The following RFX3 variants were observed in gnomAD, a reference collection of about 807,000 sequenced individuals.
RFX3 encodes the protein transcription factor RFX3.
RFX3 carries 14 observed loss-of-function variants against 98.6 expected under a neutral mutation model. The observed-to-expected ratio is 0.14, with a 90% CI of 0.09 to 0.22. The LOEUF (loss-of-function observed/expected upper bound fraction) is 0.22, where lower values mean the gene tolerates loss of function less well. Among genes scored for constraint, RFX3 ranks in the 10% least tolerant of loss-of-function variants. RFX3 has a pLI of 1.00. For synonymous variants in RFX3, 383 were observed against 328.4 expected (o/e 1.17, Z -1.80); for missense variants, 639 against 926.9 (o/e 0.69, Z 4.03).
At chr9:3,399,944 G>A (rs146976857) in intron 1 of RFX3, among the ~76,000 whole-genome samples, 1,964 of 144,434 alleles carry the variant, frequency 0.014, 28 homozygotes, top group African/African-American at 0.03. Context: ...GCAAGACTCC[G>A]TCTCAAAAAA....
At position 3,247,433 on chromosome 9, in the gene RFX3, T is replaced by C. The variant is rs950344139; in HGVS notation, c.1968+599A>G. ...TAGCTGAGTAATCATTTAACCTTTC[T>C]GTGCCTTAGCTTTCTGCATAAACCT... On this transcript the variant is annotated intron_variant, in intron 15 of 16. Coordinates refer to ENST00000617270, the MANE Select transcript of RFX3 (RefSeq NM_001282116.2). 4 of 745,286 alleles carry C rather than the reference T, an allele frequency of 5.4e-6. No homozygotes were observed. The African/African-American group carries it at 7.6e-5, about 14-fold the overall frequency. 46.2% of individuals were successfully genotyped at this position (745,286 alleles called of 1,614,324 possible).
intron 1 of RFX3, among the ~76,000 whole-genome samples, chr9:3,503,486 A>G (rs939550705): frequency 6.6e-6 from 1 of 152,152 alleles, no homozygotes; most frequent in Non-Finnish European, 1.5e-5. Flanking sequence ...TACATTTCAT[A>G]ATGGATGACA....
At chr9:3,232,507 G>A (rs1223259820) in intron 15 of RFX3, among the ~76,000 whole-genome samples, 1 of 152,092 alleles carries the variant, frequency 6.6e-6, no homozygotes, top group Non-Finnish European at 1.5e-5. Flanking sequence ...ACTGCCATGG[G>A]TAAGAAAGTT....
intron 1 of RFX3, among the ~76,000 whole-genome samples, chr9:3,458,689 A>G (rs1351668450): frequency 1.3e-5 from 2 of 152,340 alleles, no homozygotes; most frequent in Non-Finnish European, 2.9e-5. Context: ...TAAAGAATAC[A>G]GTCCTGTAGT....
At chr9:3,368,933 C>A (rs1329540688) in intron 2 of RFX3, among the ~76,000 whole-genome samples, 1 of 152,158 alleles carries the variant, frequency 6.6e-6, no homozygotes, top group Non-Finnish European at 1.5e-5. Context: ...TCCATAAAGT[C>A]AGGAACAATG....
chr9:3,231,124 A>AT (rs1179398019), intron 15 of RFX3, among the ~76,000 whole-genome samples: 32 of 152,206 alleles, frequency 2.1e-4, no homozygotes, highest in Admixed American at 2.0e-3. Context: ...ATTATGCACT[A>AT]TGGGGGACAA....
intron 2 of RFX3, among the ~76,000 whole-genome samples, chr9:3,354,493 C>A (rs985836445): frequency 6.6e-6 from 1 of 151,694 alleles, no homozygotes; most frequent in South Asian, 2.1e-4. Flanking sequence ...AAGATAGATA[C>A]CAGGCAGCAA....
chr9:3,447,362 A>C (rs1020540180), intron 1 of RFX3, among the ~76,000 whole-genome samples: 10 of 152,104 alleles, frequency 6.6e-5, no homozygotes, highest in Non-Finnish European at 1.0e-4. Flanking sequence ...AGTAACATGG[A>C]GATAATAACT....
At chr9:3,469,019 T>G (rs563411823) in intron 1 of RFX3, 72 of 335,374 alleles carry the variant, frequency 2.1e-4, no homozygotes, top group Non-Finnish European at 3.7e-4. Context: ...CTAATTAGTG[T>G]AGCCAAAATT....
intron 2 of RFX3, among the ~76,000 whole-genome samples, chr9:3,376,686 T>A (rs994697515): frequency 1.3e-5 from 2 of 151,984 alleles, no homozygotes; most frequent in East Asian, 3.9e-4. Context: ...ATTTTTGCAA[T>A]CTACTCATCT....
intron 1 of RFX3, among the ~76,000 whole-genome samples, chr9:3,442,553 C>T (rs561801061): frequency 2.0e-5 from 3 of 152,104 alleles, no homozygotes; most frequent in African/African-American, 7.2e-5. Flanking sequence ...AGTGGAAAAA[C>T]TGATGAAATC....
chr9:3,505,138 T>G (rs1293355492), intron 1 of RFX3, among the ~76,000 whole-genome samples: 16 of 99,898 alleles, frequency 1.6e-4, no homozygotes, highest in Non-Finnish European at 2.3e-4. Context: ...TTTATATTTA[T>G]ATATTATATG....
chr9:3,330,729 T>C (rs1832497508), intron 3 of RFX3, among the ~76,000 whole-genome samples: 1 of 152,172 alleles, frequency 6.6e-6, no homozygotes, highest in Admixed American at 6.6e-5. Flanking sequence ...CTCAACTAGT[T>C]TCTGTACTAC....
chr9:3,404,386 A>T (rs1401998360), intron 1 of RFX3, among the ~76,000 whole-genome samples: 1 of 152,172 alleles, frequency 6.6e-6, no homozygotes, highest in Non-Finnish European at 1.5e-5. Context: ...GATACTTAAC[A>T]GAAAAATTAT....
chr9:3,314,331 T>A (rs1366195324), intron 4 of RFX3, among the ~76,000 whole-genome samples: 1 of 152,114 alleles, frequency 6.6e-6, no homozygotes, highest in Non-Finnish European at 1.5e-5. Context: ...CTGAGAGACT[T>A]TGTCACCACC....
At chr9:3,464,528 C>T (rs574589856) in intron 1 of RFX3, among the ~76,000 whole-genome samples, 11 of 152,174 alleles carry the variant, frequency 7.2e-5, no homozygotes, top group East Asian at 3.9e-4. Context: ...CTACATACTG[C>T]GTGATTCCAT....
At chr9:3,264,899 T>C (rs1453835890) in intron 12 of RFX3, among the ~76,000 whole-genome samples, 1 of 152,238 alleles carries the variant, frequency 6.6e-6, no homozygotes, top group East Asian at 1.9e-4. Flanking sequence ...CCACATTCAC[T>C]TTGACAACAC....
intron 7 of RFX3, among the ~76,000 whole-genome samples, chr9:3,284,147 G>A (rs188691028): frequency 6.6e-6 from 1 of 151,698 alleles, no homozygotes; most frequent in African/African-American, 2.4e-5. Flanking sequence ...AATATTTTGA[G>A]AATGGCTACT....
intron 1 of RFX3, among the ~76,000 whole-genome samples, chr9:3,525,265 C>T (rs1213372233): frequency 6.6e-6 from 1 of 152,098 alleles, no homozygotes; most frequent in Non-Finnish European, 1.5e-5. Context: ...CCTCTTGGGT[C>T]CCCCCCTTGC....
Sources: allele counts gnomAD v4.1 joint callset (sites outside exome capture counted in the v4.1 genomes callset), GRCh38; gene constraint gnomAD v4.1.1; transcripts MANE v1.5; gene names NCBI Gene and HGNC (gene_info 2026-07-23, HGNC 2026-07-21).